ARID1B: variants seen among roughly 807,000 people sequenced by gnomAD.
ARID1B encodes the protein AT-rich interaction domain 1B.
A neutral mutation model predicts 212.3 loss-of-function variants in ARID1B; 30 were observed. The observed-to-expected ratio is 0.14, with a 90% CI of 0.11 to 0.19. ARID1B has a LOEUF of 0.19. Among genes scored for constraint, ARID1B ranks in the 10% least tolerant of loss-of-function variants. The pLI is 1.00. For missense variants in ARID1B, 2,891 were observed against 3,204.0 expected (o/e 0.90, Z 2.36); for synonymous variants, 1,402 against 1,301.7 (o/e 1.08, Z -1.66).
chr6:157,032,827 C>CT (rs1387045630), intron 4 of ARID1B, among the ~76,000 whole-genome samples: 11 of 152,032 alleles, frequency 7.2e-5, no homozygotes, highest in Non-Finnish European at 1.0e-4. Context: ...TCACCCCCAC[C>CT]TTTTTTAAAA....
chr6:157,080,399 G>A (rs1424162585), intron 4 of ARID1B, among the ~76,000 whole-genome samples: 1 of 152,138 alleles, frequency 6.6e-6, no homozygotes, highest in African/African-American at 2.4e-5. Flanking sequence ...AACCAAATAT[G>A]TCTTTTGATG....
chr6:157,157,977 C>T (rs1027962131), intron 8 of ARID1B, among the ~76,000 whole-genome samples: 7 of 152,200 alleles, frequency 4.6e-5, no homozygotes, highest in Non-Finnish European at 1.0e-4. Flanking sequence ...GAGCGAGGAT[C>T]GTGCCAGTGC....
intron 8 of ARID1B, among the ~76,000 whole-genome samples, chr6:157,156,237 G>A (rs1790565838): frequency 6.6e-6 from 1 of 152,204 alleles, no homozygotes; most frequent in Non-Finnish European, 1.5e-5. Context: ...TAACATAATA[G>A]CTATGATTTG....
intron 4 of ARID1B, among the ~76,000 whole-genome samples, chr6:156,945,231 G>A (rs1168588807): frequency 1.1e-5 from 1 of 93,744 alleles, no homozygotes; most frequent in East Asian, 2.8e-4. Flanking sequence ...CCCCGCATCC[G>A]GCTTTTTTTT....
chr6:156,929,510 A>G (rs1287423755), intron 3 of ARID1B, among the ~76,000 whole-genome samples: 1 of 152,186 alleles, frequency 6.6e-6, no homozygotes, highest in Non-Finnish European at 1.5e-5. Flanking sequence ...ACGATTTGGA[A>G]TTGGTGATAG....
chr6:157,176,229 G>A (rs796507865), intron 11 of ARID1B, among the ~76,000 whole-genome samples: 35 of 152,308 alleles, frequency 2.3e-4, no homozygotes, highest in South Asian at 2.3e-3. Context: ...TGATGAAAGA[G>A]AAAGCGCTTC....
chr6:157,141,821 G>A (rs1023904818), intron 7 of ARID1B, among the ~76,000 whole-genome samples: 3 of 152,128 alleles, frequency 2.0e-5, no homozygotes, highest in Admixed American at 1.3e-4. Context: ...CTCTCACACA[G>A]TATTTGATGG....
intron 4 of ARID1B, among the ~76,000 whole-genome samples, chr6:156,945,032 C>T (rs1243238057): frequency 1.3e-5 from 2 of 150,308 alleles, no homozygotes; most frequent in Non-Finnish European, 3.0e-5. Flanking sequence ...CTGCCATTCT[C>T]CTGCCTCAGC....
intron 3 of ARID1B, among the ~76,000 whole-genome samples, chr6:156,919,884 A>C (rs749365813): frequency 2.6e-5 from 4 of 152,320 alleles, no homozygotes; most frequent in African/African-American, 2.4e-5. Context: ...AAAAACTTCA[A>C]ACACCTTAAG....
intron 5 of ARID1B, among the ~76,000 whole-genome samples, chr6:157,085,281 T>G (rs1784894668): frequency 6.6e-6 from 1 of 152,300 alleles, no homozygotes; most frequent in Non-Finnish European, 1.5e-5. Context: ...TTTTTTGTGG[T>G]TCTATTCAAT....
At chr6:156,876,858 C>T (rs1426503531) in intron 2 of ARID1B, among the ~76,000 whole-genome samples, 2 of 152,086 alleles carry the variant, frequency 1.3e-5, no homozygotes, top group Non-Finnish European at 2.9e-5. Context: ...CAGGATGCTG[C>T]GAATCCTTTG....
intron 4 of ARID1B, chr6:156,940,340 G>A (rs1169297008): frequency 1.3e-5 from 2 of 152,170 alleles, no homozygotes; most frequent in Non-Finnish European, 2.9e-5. Context: ...GCATGAAAAC[G>A]GTTTGATCTT....
At chr6:156,972,187 A>T (rs548253449) in intron 4 of ARID1B, among the ~76,000 whole-genome samples, 1 of 152,370 alleles carries the variant, frequency 6.6e-6, no homozygotes, top group East Asian at 1.9e-4. Flanking sequence ...AAATTACAAG[A>T]CATAATTCTG....
At chr6:157,063,880 A>G (rs570752150) in intron 4 of ARID1B, among the ~76,000 whole-genome samples, 2 of 152,356 alleles carry the variant, frequency 1.3e-5, no homozygotes, top group Admixed American at 6.5e-5. Context: ...CAATGTTACC[A>G]GGAGAATACT....
At chr6:156,923,566 CAA>C (rs1434443229) in intron 3 of ARID1B, among the ~76,000 whole-genome samples, 1 of 152,118 alleles carries the variant, frequency 6.6e-6, no homozygotes, top group Non-Finnish European at 1.5e-5. Context: ...GTGTGGAAAT[CAA>C]GAGTTTATTG....
intron 8 of ARID1B, among the ~76,000 whole-genome samples, chr6:157,156,275 G>T (rs1467641198): frequency 1.3e-5 from 2 of 152,154 alleles, no homozygotes; most frequent in Non-Finnish European, 2.9e-5. Context: ...AAGACAAAGA[G>T]AAAAGATTTC....
At chr6:156,828,080 C>G (rs1190003858) in intron 1 of ARID1B, among the ~76,000 whole-genome samples, 1 of 65,492 alleles carries the variant, frequency 1.5e-5, no homozygotes, top group South Asian at 5.4e-4. Flanking sequence ...TTTTTTTTTT[C>G]AAGAGACAGG....
intron 2 of ARID1B, among the ~76,000 whole-genome samples, chr6:156,888,871 G>A (rs917248042): frequency 1.3e-5 from 2 of 151,996 alleles, no homozygotes; most frequent in African/African-American, 4.8e-5. Flanking sequence ...TATGAGTCTC[G>A]CATTTAAAAA....
chr6:157,080,071 T>C (rs759257758), intron 4 of ARID1B, among the ~76,000 whole-genome samples: 4 of 152,168 alleles, frequency 2.6e-5, no homozygotes, highest in South Asian at 2.1e-4. Flanking sequence ...ACTGGTCTCA[T>C]TGATTGAAAT....
Sources: allele counts gnomAD v4.1 joint callset (sites outside exome capture counted in the v4.1 genomes callset), GRCh38; gene constraint gnomAD v4.1.1; transcripts MANE v1.5; gene names NCBI Gene and HGNC (gene_info 2026-07-23, HGNC 2026-07-21).